Variants in C2orf68 observed in about 807,000 individuals in gnomAD.
C2orf68 encodes the protein chromosome 2 open reading frame 68.
C2orf68 carries 15 observed loss-of-function variants against 19.1 expected under a neutral mutation model. The observed-to-expected ratio is 0.79, with a 90% CI of 0.53 to 1.21. The LOEUF (loss-of-function observed/expected upper bound fraction) is 1.21. C2orf68 is among the 50% of genes most tolerant of loss of function. The pLI is 0.00. For synonymous variants in C2orf68, 98 were observed against 91.0 expected (o/e 1.08, Z -0.44); for missense variants, 242 against 226.6 (o/e 1.07, Z -0.44).
At chr2:85,609,786 T>G (rs1673390577) in intron 2 of C2orf68, among the ~76,000 whole-genome samples, 200 bp from the exon 3 acceptor site, 1 of 151,840 alleles carries the variant, frequency 6.6e-6, no homozygotes, top group Admixed American at 6.6e-5. Flanking sequence ...GTTCAAGCGA[T>G]TCTCCTGCCT....
Position 85,605,891 on chromosome 2 carries a change from T to C in C2orf68, c.*3054A>G, listed in dbSNP as rs934114161. 8.1e-4 allele frequency among the ~76,000 whole-genome samples: 124 copies of C among 152,348 alleles called. No individual in the cohort carries two copies. Among genetic ancestry groups the C allele is most frequent in the African/African-American group, 2.9e-3 (121 of 41,580 alleles). ...TACACAGGGAAAAGCATTTGTTGGC[T>C]GGGCTCCAACTCTCATTTGGTACAA... On this transcript the variant is annotated 3_prime_UTR_variant, in exon 4 of 4. Transcript: ENST00000306336.
chr2:85,611,820 G>GGGCCGGGCCA (rs1558840781), intron 1 of C2orf68, 34 bp from the exon 2 acceptor site: 14 of 1,607,874 alleles, frequency 8.7e-6, no homozygotes, highest in Non-Finnish European at 1.0e-5. Context: ...AGGGACTGTC[G>GGGCCGGGCCA]GGCCGGGCCA....
intron 2 of C2orf68, chr2:85,611,214 TA>T: frequency 1.6e-6 from 2 of 1,248,142 alleles, no homozygotes; most frequent in Non-Finnish European, 2.0e-6. Context: ...AAAAATAAAA[TA>T]AAAACATTTT....
At position 85,609,540 on chromosome 2, in the gene C2orf68, T is replaced by A; in HGVS notation, c.273A>T (p.Glu91Asp). 6.2e-7 allele frequency: 1 copy of A among 1,614,176 alleles called. No individual in the cohort carries two copies. Among genetic ancestry groups the A allele is most frequent in the Non-Finnish European group, 8.5e-7 (1 of 1,180,008 alleles). ...PRNPDYEESGESSSSGGSELE... is the reference protein window; with the variant it reads ...PRNPDYEESGDSSSSGGSELE... ...GCTCAGAGCCTCCACTACTGCTGCT[T>A]TCACCGGACTCTTCATAGTCTGGGT... The change falls in exon 3 of 4, where the codon GAA becomes GAT. Residue 91 changes from glutamate to aspartate, a missense_variant. Transcript: ENST00000306336.
chr2:85,609,768 G>A (rs13418207), intron 2 of C2orf68, among the ~76,000 whole-genome samples, 182 bp from the exon 3 acceptor site: 11,994 of 151,934 alleles, frequency 0.079, 979 homozygotes, highest in East Asian at 0.31. Flanking sequence ...TGCAACTTCC[G>A]CTCCCAGGTT....
In C2orf68 at chr2:85,611,415, G is replaced by A. The variant is rs1673516753; in HGVS notation, c.226+253C>T. On this transcript the variant is annotated intron_variant, in intron 2 of 3. Coordinates refer to ENST00000306336, the MANE Select transcript of C2orf68 (RefSeq NM_001013649.4). ...ACCTTACTAAAATACAGCACGGTGGGGCAAACCGGCAGATAAACTTCTTGC... is the reference window on the plus strand; with the variant it reads ...ACCTTACTAAAATACAGCACGGTGGAGCAAACCGGCAGATAAACTTCTTGC... 12 of 1,507,418 alleles carry A rather than the reference G, an allele frequency of 8.0e-6. 1 individual carries two copies. The South Asian group carries it at 1.5e-4, about 18-fold the overall frequency. 93.4% of individuals were successfully genotyped at this position (1,507,418 alleles called of 1,614,324 possible).
In C2orf68 at chr2:85,611,945, T is replaced by G; in HGVS notation, c.40A>C (p.Lys14Gln). Reference protein sequence around the residue: ...GPHPRPGHCCKPGGRLDMNHG... With the variant: ...GPHPRPGHCCQPGGRLDMNHG... ...TTCATGTCCAGCCGCCCCCCAGGCTTGCAGCAGTGCCCCGGCCGGGGATGC... is the reference window on the plus strand; with the variant it reads ...TTCATGTCCAGCCGCCCCCCAGGCTGGCAGCAGTGCCCCGGCCGGGGATGC... Residue 14 changes from lysine (K) to glutamine (Q), a missense_variant, in exon 1 of 4, where the codon AAG (lysine) becomes CAG (glutamine). Coordinates refer to ENST00000306336, the MANE Select transcript of C2orf68 (RefSeq NM_001013649.4). The G allele has an allele frequency of 6.3e-7, 1 of 1,578,648 alleles. No individual in the cohort carries two copies. The highest frequency in any genetic ancestry group is 8.5e-7 in the Non-Finnish European group (1 of 1,170,650).
At chr2:85,609,096 G>A (rs781679335) in intron 3 of C2orf68, 29 bp from the exon 4 acceptor site, 1 of 1,610,336 alleles carries the variant, frequency 6.2e-7, no homozygotes, top group South Asian at 1.1e-5. Context: ...AGAAGGCTCA[G>A]GGCCTGGCCT....
rs772231715 is a variant in C2orf68, at chr2:85,611,991, C to CCGGGGACG, written c.-15_-8dup. 7.9e-5 allele frequency: 120 copies of CCGGGGACG among 1,520,402 alleles called. No individual in the cohort carries two copies. In the East Asian group the frequency reaches 2.6e-3, roughly 33 times the overall value. 94.2% of individuals were successfully genotyped at this position (1,520,402 alleles called of 1,614,324 possible). On this transcript the variant is annotated 5_prime_UTR_variant, in exon 1 of 4. Coordinates refer to ENST00000306336, the MANE Select transcript of C2orf68 (RefSeq NM_001013649.4). ...GATGCGGCCCCGCCTCCATCAGGAG[C>CCGGGGACG]CGGGGACGCAGAGTCGCCGCCGCCT...
chr2:85,605,389 A>G lies in C2orf68; in HGVS notation c.*3556T>C. ...TGGAAATGAGTAAACTGGTGAACAT[A>G]TAGCTTTTTATACATTTAACACAAC... On this transcript the variant is annotated 3_prime_UTR_variant, in exon 4 of 4. Coordinates refer to ENST00000306336, the MANE Select transcript of C2orf68 (RefSeq NM_001013649.4). 6.6e-6 allele frequency among the ~76,000 whole-genome samples: 1 copy of G among 152,228 alleles called. No individual in the cohort carries two copies. Among genetic ancestry groups the G allele is most frequent in the East Asian group, 1.9e-4 (1 of 5,206 alleles).
At position 85,608,965 on chromosome 2, in the gene C2orf68, T is replaced by A. The variant is rs1673326238; in HGVS notation, c.481A>T (p.Lys161Ter). 1 of 1,614,200 alleles carries A rather than the reference T, an allele frequency of 6.2e-7. No homozygotes were observed. Among genetic ancestry groups the A allele is most frequent in the East Asian group, 2.2e-5 (1 of 44,888 alleles). ...CATGGTCAGTGTTGGCTCTGGCGCT[T>A]TGCAATCTCCTCCTGGATACGCAAC... ...LKLRIQEEIA[K>*]RQSQH Residue 161 changes from lysine (K) to a stop codon, truncating the protein, a stop_gained, in exon 4 of 4, where the codon AAG (lysine) becomes TAG (stop). Transcript: ENST00000306336. LOFTEE classifies it high-confidence loss of function.
In C2orf68 at chr2:85,609,498, A is replaced by G; in HGVS notation, c.315T>C (p.His105=). 1 of 1,614,172 alleles carries G rather than the reference A, an allele frequency of 6.2e-7. No individual in the cohort carries two copies. The highest frequency in any genetic ancestry group is 1.1e-5 in the South Asian group (1 of 91,080). ...SGGSELEPSG[H]QLFCLEYEAD... ...CCTCGTATTCTAAGCAGAAGAGCTG[A>G]TGGCCAGAAGGCTCCAGCTCAGAGC... is the stretch of plus-strand genomic sequence containing the variant. Residue 105 remains histidine (H), a synonymous_variant, in exon 3 of 4, where the codon CAT becomes CAC. Transcript: ENST00000306336.
At chr2:85,609,357 A>G (rs1673354892) in intron 3 of C2orf68, 78 bp downstream of exon 3, 3 of 1,550,650 alleles carry the variant, frequency 1.9e-6, no homozygotes, top group Admixed American at 1.9e-5. Flanking sequence ...GTCCTGAGGA[A>G]AACAGGGCTC....
Position 85,606,102 on chromosome 2 carries a change from C to T in C2orf68, c.*2843G>A, listed in dbSNP as rs1273270302. Among the ~76,000 whole-genome samples the T allele has an allele frequency of 1.3e-5, 2 of 152,198 alleles. No homozygotes were observed. Among genetic ancestry groups the T allele is most frequent in the Non-Finnish European group, 2.9e-5 (2 of 68,042 alleles). On this transcript the variant is annotated 3_prime_UTR_variant, in exon 4 of 4. Coordinates refer to ENST00000306336, the MANE Select transcript of C2orf68 (RefSeq NM_001013649.4). ...GAACCACAAAACCTTAAAATACAGG[C>T]TTAAATTCAGCAAGCGAAGAACATT...
In C2orf68 at chr2:85,608,094, A is replaced by G. The variant is rs1673283463; in HGVS notation, c.*851T>C. On this transcript the variant is annotated 3_prime_UTR_variant, in exon 4 of 4. Coordinates refer to ENST00000306336, the MANE Select transcript of C2orf68 (RefSeq NM_001013649.4). ...TTGTTTATAATTCCCTTTTAGTCTG[A>G]GCAGAGGACAGTCTGTTCACGGCTA... is the stretch of plus-strand genomic sequence containing the variant. 6.6e-6 allele frequency: 1 copy of G among 152,174 alleles called. No individual in the cohort carries two copies. The highest frequency in any genetic ancestry group is 1.9e-4 in the East Asian group (1 of 5,202). The allele number at this position is 152,174 out of a possible 1,614,324, so 9.4% of individuals were successfully genotyped here.
At chr2:85,611,589 T>C (rs1225474002) in intron 2 of C2orf68, 79 bp downstream of exon 2, 2 of 1,552,110 alleles carry the variant, frequency 1.3e-6, no homozygotes, top group Admixed American at 3.9e-5. Flanking sequence ...GAGTAAGAAG[T>C]GGTTTTTCCC....
At chr2:85,609,176 C>A in intron 3 of C2orf68, 109 bp from the exon 4 acceptor site, 1 of 1,453,146 alleles carries the variant, frequency 6.9e-7, no homozygotes, top group Non-Finnish European at 9.3e-7. Context: ...AGGCTTTTTG[C>A]CAGCACCTGT....
rs1464803184 is a variant in C2orf68 at position 85,609,566 on chromosome 2, T to C, written c.247A>G (p.Asn83Asp). ...TCACCGGACTCTTCATAGTCTGGGT[T>C]GCGTGGGTGGGCAGAGACATCTGGA... ...RHRDVSAHPRNPDYEESGESS... is the reference protein window; with the variant it reads ...RHRDVSAHPRDPDYEESGESS... The change falls in exon 3 of 4, where the codon AAC becomes GAC. Residue 83 changes from asparagine to aspartate, a missense_variant. Coordinates refer to ENST00000306336, the MANE Select transcript of C2orf68 (RefSeq NM_001013649.4). 1 of 1,614,182 alleles carries C rather than the reference T, an allele frequency of 6.2e-7. No individual in the cohort carries two copies. Among genetic ancestry groups the C allele is most frequent in the African/African-American group, 1.3e-5 (1 of 75,066 alleles).
rs774842304 is a variant in C2orf68, at chr2:85,606,172, G to A, written c.*2773C>T. Reference sequence around the variant, plus strand: ...GATATGCCTATCAGATTGTGTGTGTGTGCGCGTTTTTTAAAGACAGCCAAT... The same window carrying A: ...GATATGCCTATCAGATTGTGTGTGTATGCGCGTTTTTTAAAGACAGCCAAT... On this transcript the variant is annotated 3_prime_UTR_variant, in exon 4 of 4. Transcript: ENST00000306336. 6.6e-6 allele frequency among the ~76,000 whole-genome samples: 1 copy of A among 152,184 alleles called. No homozygotes were observed. The highest frequency in any genetic ancestry group is 1.5e-5 in the Non-Finnish European group (1 of 68,030).
Sources: gnomAD v4.1 joint callset for allele counts (sites outside exome capture counted in the v4.1 genomes callset) on GRCh38, gnomAD v4.1.1 for gene constraint, MANE v1.5 for transcripts, NCBI Gene and HGNC (gene_info 2026-07-23, HGNC 2026-07-21) for gene names.